Variants in NCOA3 observed in about 807,000 individuals in gnomAD.
NCOA3 encodes the protein CBP-interacting protein.
In NCOA3, 51 loss-of-function variants were observed where a neutral mutation model predicts 158.8. The observed-to-expected ratio is 0.32, with a 90% CI of 0.26 to 0.41. The LOEUF (loss-of-function observed/expected upper bound fraction) is 0.41. NCOA3 is among the 10% of genes least tolerant of loss of function. NCOA3 has a pLI of 1.00. For synonymous variants in NCOA3, 537 were observed against 592.4 expected (o/e 0.91, Z 1.36); for missense variants, 1,510 against 1,746.6 (o/e 0.86, Z 2.41).
intron 2 of NCOA3, among the ~76,000 whole-genome samples, chr20:47,586,852 G>A (rs2085543366): frequency 6.6e-6 from 1 of 152,200 alleles, no homozygotes; most frequent in African/African-American, 2.4e-5. Flanking sequence ...TCCGCAATGT[G>A]ATACTCTGAG....
At position 47,547,267 on chromosome 20, in the gene NCOA3, C is replaced by T. The variant is rs1031959365; in HGVS notation, c.-98-35916C>T. ...ACTCTGTATTTCCTTGAAAGGGTGA[C>T]GTCCTAAAGCCCTTCTCTTACCCCA... On this transcript the variant is annotated intron_variant, in intron 1 of 22. Coordinates refer to ENST00000371998, the MANE Select transcript of NCOA3 (RefSeq NM_181659.3). Among the ~76,000 whole-genome samples, 5 of 151,980 alleles carry T rather than the reference C, an allele frequency of 3.3e-5. No individual in the cohort carries two copies. In the East Asian group the frequency reaches 5.8e-4, roughly 18 times the overall value.
intron 1 of NCOA3, among the ~76,000 whole-genome samples, chr20:47,504,503 T>A (rs904702019): frequency 6.2e-5 from 7 of 113,214 alleles, no homozygotes; most frequent in Non-Finnish European, 1.0e-4. Context: ...TTTTTTTTTT[T>A]AACGAATTCA....
intron 1 of NCOA3, among the ~76,000 whole-genome samples, chr20:47,538,653 T>G (rs2084673733): frequency 6.6e-6 from 1 of 152,090 alleles, no homozygotes; most frequent in East Asian, 1.9e-4. Context: ...TTCTCCTGCC[T>G]CAGCCTCCTG....
intron 1 of NCOA3, among the ~76,000 whole-genome samples, chr20:47,559,673 G>A (rs765881551): frequency 4.9e-4 from 75 of 152,190 alleles, no homozygotes; most frequent in Middle Eastern, 3.4e-3. Context: ...TTGAGGTCAG[G>A]AGTTCGAGAC....
intron 6 of NCOA3, 25 bp downstream of exon 6, chr20:47,627,201 A>C (rs1239984381): frequency 6.6e-7 from 1 of 1,525,112 alleles, no homozygotes; most frequent in African/African-American, 1.4e-5. Flanking sequence ...TGTATTTTCT[A>C]AATAGGTTAA....
intron 9 of NCOA3, 149 bp downstream of exon 9, chr20:47,633,785 C>T: frequency 1.1e-6 from 1 of 922,348 alleles, no homozygotes; most frequent in Non-Finnish European, 1.6e-6. Flanking sequence ...TGCACACCAC[C>T]ATACCTGGTT....
chr20:47,646,073 G>A (rs774950885), intron 17 of NCOA3, among the ~76,000 whole-genome samples: 1 of 152,172 alleles, frequency 6.6e-6, no homozygotes, highest in Admixed American at 6.5e-5. Flanking sequence ...CAGGACCCCT[G>A]TGGATACCAA....
At chr20:47,593,622 C>T (rs774209957) in intron 2 of NCOA3, among the ~76,000 whole-genome samples, 20 of 152,036 alleles carry the variant, frequency 1.3e-4, no homozygotes, top group African/African-American at 3.9e-4. Context: ...GGATTACAGA[C>T]GTGAGCCACT....
rs1224807146 is a variant in NCOA3, at chr20:47,570,982, A to ATGTGTG, written c.-98-12200_-98-12199insGTGTGT. The stretch of plus-strand genomic sequence containing the variant: ...CACACACACACACAAGTATATACAT[A>ATGTGTG]TATGTGTGTGTGTGTGTGTGTATAT... On this transcript the variant is annotated intron_variant, in intron 1 of 22. Coordinates refer to ENST00000371998, the MANE Select transcript of NCOA3 (RefSeq NM_181659.3). Among the ~76,000 whole-genome samples the ATGTGTG allele has an allele frequency of 9.1e-3, 729 of 80,456 alleles. 10 individuals are homozygous for ATGTGTG. The highest frequency in any genetic ancestry group is 0.034 in the African/African-American group (690 of 20,596). 52.8% of individuals were successfully genotyped at this position (80,456 alleles called of 152,430 possible).
chr20:47,522,571 G>T lies in NCOA3; in HGVS notation c.-99+20552G>T, dbSNP rs868854873. On this transcript the variant is annotated intron_variant, in intron 1 of 22. Coordinates refer to ENST00000371998, the MANE Select transcript of NCOA3 (RefSeq NM_181659.3). ...GATACCAGCCAGGTATATATGCAGC[G>T]GCTGGAGGAGGCAGTGTTTGATTTG... 5.2e-4 allele frequency among the ~76,000 whole-genome samples: 79 copies of T among 152,178 alleles called. 1 individual carries two copies. The highest frequency in any genetic ancestry group is 6.8e-3 in the Middle Eastern group (2 of 294).
At chr20:47,519,286 G>A (rs931879954) in intron 1 of NCOA3, among the ~76,000 whole-genome samples, 9 of 152,010 alleles carry the variant, frequency 5.9e-5, no homozygotes, top group Non-Finnish European at 7.4e-5. Flanking sequence ...AATATGAAAA[G>A]CCAGGCGTGG....
intron 2 of NCOA3, among the ~76,000 whole-genome samples, chr20:47,614,939 T>C (rs1488318140): frequency 6.6e-6 from 1 of 152,248 alleles, no homozygotes; most frequent in African/African-American, 2.4e-5. Flanking sequence ...AGAAATTTTC[T>C]GGCTAACTGG....
intron 1 of NCOA3, among the ~76,000 whole-genome samples, chr20:47,521,297 G>A (rs1032999071): frequency 7.9e-5 from 12 of 152,060 alleles, no homozygotes; most frequent in African/African-American, 2.9e-4. Context: ...CCCCAAATTT[G>A]TATAAAGTTT....
In NCOA3 at chr20:47,634,099, A is replaced by T; in HGVS notation, c.1016A>T (p.Asp339Val). Reference protein sequence around the residue: ...ETPVYRFSLADGTIVTAQTKS... With the variant: ...ETPVYRFSLAVGTIVTAQTKS... The stretch of plus-strand genomic sequence containing the variant: ...CCAGTATATCGATTCTCGTTGGCTG[A>T]TGGAACTATAGTGACTGCACAGACA... Residue 339 changes from aspartate (D) to valine (V), a missense_variant, in exon 10 of 23, where the codon GAT becomes GTT. Around this residue, in one of 4 missense-constraint regions of NCOA3, gnomAD observed 309 missense variants for 427.1 expected, o/e 0.72. Transcript: ENST00000371998. The T allele has an allele frequency of 6.2e-7, 1 of 1,614,142 alleles. No individual in the cohort carries two copies. The highest frequency in any genetic ancestry group is 8.5e-7 in the Non-Finnish European group (1 of 1,180,010).
At chr20:47,610,532 T>A (rs1340480964) in intron 2 of NCOA3, among the ~76,000 whole-genome samples, 1 of 152,188 alleles carries the variant, frequency 6.6e-6, no homozygotes, top group East Asian at 1.9e-4. Flanking sequence ...GAAACATTTT[T>A]AAAAAAGGAT....
intron 1 of NCOA3, among the ~76,000 whole-genome samples, chr20:47,541,175 A>G (rs1005091835): frequency 7.9e-5 from 12 of 151,748 alleles, no homozygotes; most frequent in Admixed American, 1.3e-4. Context: ...AATTCCTTCA[A>G]TGTCACTCTT....
At position 47,581,803 on chromosome 20, in the gene NCOA3, T is replaced by C. The variant is rs547955120; in HGVS notation, c.-98-1380T>C. On this transcript the variant is annotated intron_variant, in intron 1 of 22. Coordinates refer to ENST00000371998, the MANE Select transcript of NCOA3 (RefSeq NM_181659.3). ...CAAAAGCCTGCTGTTTATATGTTCA[T>C]GTGTTTTATTGTAGATTATTTTGAA... Among the ~76,000 whole-genome samples the C allele has an allele frequency of 1.6e-4, 24 of 152,318 alleles. No homozygotes were observed. In the East Asian group the frequency reaches 4.4e-3, roughly 28 times the overall value.
intron 17 of NCOA3, among the ~76,000 whole-genome samples, chr20:47,645,263 C>T (rs2086669123): frequency 6.6e-6 from 1 of 152,052 alleles, no homozygotes; most frequent in African/African-American, 2.4e-5. Context: ...GTAGAAGGTA[C>T]AGGCCTTTCG....
intron 10 of NCOA3, among the ~76,000 whole-genome samples, chr20:47,635,013 C>T (rs945885241): frequency 1.3e-5 from 2 of 150,390 alleles, no homozygotes; most frequent in Non-Finnish European, 2.9e-5. Flanking sequence ...ACTGCAACCT[C>T]GAACTCCTGG....
Sources: gnomAD v4.1 joint callset for allele counts (sites outside exome capture counted in the v4.1 genomes callset) on GRCh38, gnomAD v4.1.1 for gene constraint, gnomAD v4.1.1 regional missense constraint, MANE v1.5 for transcripts, NCBI Gene and HGNC (gene_info 2026-07-23, HGNC 2026-07-21) for gene names.